Variants in CTNNA2 observed in about 807,000 individuals in gnomAD.
CTNNA2 encodes catenin alpha-2.
Under a neutral mutation model 101.0 loss-of-function variants are expected in CTNNA2, and 42 were observed. The observed-to-expected ratio is 0.42, with a 90% CI of 0.32 to 0.54. CTNNA2 has a LOEUF of 0.54. CTNNA2 is among the 20% of genes least tolerant of loss of function. CTNNA2 has a pLI of 0.14. For missense variants in CTNNA2, 871 were observed against 1,223.1 expected, an observed-to-expected ratio of 0.71 and a Z score of 4.29; for synonymous variants, 450 against 456.4, an observed-to-expected ratio of 0.99 and a Z score of 0.18.
At chr2:79,361,062 C>T (rs1238546928) in intron 3 of CTNNA2, among the ~76,000 whole-genome samples, 1 of 152,056 alleles carries the variant, frequency 6.6e-6, no homozygotes, top group Non-Finnish European at 1.5e-5. Context: ...TCACTTTACC[C>T]AGACACAGGA....
intron 8 of CTNNA2, among the ~76,000 whole-genome samples, chr2:80,395,615 A>C (rs1463735477): frequency 6.6e-6 from 1 of 152,208 alleles, no homozygotes; most frequent in Non-Finnish European, 1.5e-5. Context: ...ATAAGCTTAG[A>C]TGTGGGTAAC....
At chr2:79,187,955 T>A (rs11692607) in intron 1 of CTNNA2, among the ~76,000 whole-genome samples, 46,386 of 152,008 alleles carry the variant, frequency 0.31, 7,355 homozygotes, top group Middle Eastern at 0.4. Flanking sequence ...GTTCTTCAAC[T>A]AGCCTCAGAC....
At chr2:79,752,170 G>C (rs1310073044) in intron 3 of CTNNA2, among the ~76,000 whole-genome samples, 1 of 152,084 alleles carries the variant, frequency 6.6e-6, no homozygotes, top group Admixed American at 6.6e-5. Flanking sequence ...CCAATAGAGA[G>C]AGGAGAACAG....
intron 7 of CTNNA2, among the ~76,000 whole-genome samples, chr2:80,359,397 C>A (rs1674164153): frequency 1.3e-5 from 2 of 152,156 alleles, no homozygotes. Flanking sequence ...TGTATTCCCA[C>A]CTAAACTCAT....
At chr2:79,561,545 C>T (rs893975420) in intron 1 of CTNNA2, among the ~76,000 whole-genome samples, 2 of 151,882 alleles carry the variant, frequency 1.3e-5, no homozygotes, top group African/African-American at 2.4e-5. Flanking sequence ...ATTTTTCTTT[C>T]CCTCCAGCAG....
intron 4 of CTNNA2, among the ~76,000 whole-genome samples, chr2:79,496,238 A>T (rs1164374758): frequency 6.6e-6 from 1 of 152,042 alleles, no homozygotes; most frequent in African/African-American, 2.4e-5. Context: ...AAGCTTTAGA[A>T]TTTTTTTCTT....
intron 3 of CTNNA2, among the ~76,000 whole-genome samples, chr2:79,770,272 G>C (rs1035101799): frequency 6.6e-6 from 1 of 152,164 alleles, no homozygotes; most frequent in Non-Finnish European, 1.5e-5. Context: ...GACGAGGATT[G>C]CTTCCCTGTC....
intron 7 of CTNNA2, among the ~76,000 whole-genome samples, chr2:80,215,201 G>A (rs370074600): frequency 6.6e-6 from 1 of 152,050 alleles, no homozygotes; most frequent in Non-Finnish European, 1.5e-5. Flanking sequence ...CAATGGGTTA[G>A]AACATCCTCC....
At chr2:80,607,097 C>A (rs1029701624) in intron 16 of CTNNA2, among the ~76,000 whole-genome samples, 3 of 151,878 alleles carry the variant, frequency 2.0e-5, no homozygotes, top group African/African-American at 7.2e-5. Context: ...TATGTAATCA[C>A]TGGCTTTACA....
intron 9 of CTNNA2, among the ~76,000 whole-genome samples, chr2:80,445,569 G>A (rs1014015940): frequency 3.9e-5 from 6 of 152,104 alleles, no homozygotes; most frequent in African/African-American, 7.2e-5. Context: ...AGTCACCAAG[G>A]GGAACATAGT....
intron 7 of CTNNA2, among the ~76,000 whole-genome samples, chr2:80,097,978 G>A (rs1312601047): frequency 4.6e-5 from 7 of 152,012 alleles, no homozygotes; most frequent in African/African-American, 9.7e-5. Flanking sequence ...GGAGTAGTTC[G>A]ATCTTCTGAA....
intron 7 of CTNNA2, among the ~76,000 whole-genome samples, chr2:79,980,920 CT>C (rs980254468): frequency 1.9e-4 from 29 of 148,786 alleles, no homozygotes; most frequent in East Asian, 7.8e-4. Context: ...TTCTTTCTTT[CT>C]TTTTTTTTTA....
intron 7 of CTNNA2, 97 bp downstream of exon 7, chr2:79,909,894 C>A: frequency 8.0e-7 from 1 of 1,247,486 alleles, no homozygotes; most frequent in East Asian, 2.6e-5. Flanking sequence ...AGAGAACAGA[C>A]CAGGTGTTTA....
At chr2:79,964,601 C>T (rs140603712) in intron 7 of CTNNA2, among the ~76,000 whole-genome samples, 140 of 152,152 alleles carry the variant, frequency 9.2e-4, no homozygotes, top group African/African-American at 3.3e-3. Context: ...CCGTGATTTC[C>T]TTCTAAATAA....
intron 7 of CTNNA2, among the ~76,000 whole-genome samples, chr2:80,187,383 AC>A (rs1385535649): frequency 6.6e-6 from 1 of 152,254 alleles, no homozygotes; most frequent in African/African-American, 2.4e-5. Flanking sequence ...AAGATAGTCA[AC>A]TAAATAGTAA....
intron 12 of CTNNA2, among the ~76,000 whole-genome samples, chr2:80,563,048 C>CA (rs869143884): frequency 0.1 from 6,801 of 66,126 alleles, 497 homozygotes; most frequent in African/African-American, 0.25. Flanking sequence ...AAAGTACAAC[C>CA]AAAAAAAAAA....
chr2:80,586,115 A>G (rs549492304), intron 14 of CTNNA2, among the ~76,000 whole-genome samples: 1 of 152,296 alleles, frequency 6.6e-6, no homozygotes, highest in African/African-American at 2.4e-5. Flanking sequence ...TAAGCAGTCA[A>G]AAGATGTTTA....
chr2:80,373,663 T>C (rs1675657585), intron 7 of CTNNA2, among the ~76,000 whole-genome samples: 1 of 152,204 alleles, frequency 6.6e-6, no homozygotes, highest in Admixed American at 6.5e-5. Flanking sequence ...TTTTGCATCC[T>C]ATAGCTGCCA....
chr2:80,466,246 G>A (rs1290027095), intron 9 of CTNNA2, among the ~76,000 whole-genome samples: 2 of 152,140 alleles, frequency 1.3e-5, no homozygotes, highest in Admixed American at 6.6e-5. Flanking sequence ...GTGATTTACA[G>A]AGAGCTTTCT....
Sources: gnomAD v4.1 joint callset for allele counts (sites outside exome capture counted in the v4.1 genomes callset) on GRCh38, gnomAD v4.1.1 for gene constraint, MANE v1.5 for transcripts, NCBI Gene and HGNC (gene_info 2026-07-23, HGNC 2026-07-21) for gene names.